The following AVEN variants were observed in gnomAD, a reference collection of about 807,000 sequenced individuals.
AVEN encodes cell death regulator Aven.
A neutral mutation model predicts 38.1 loss-of-function variants in AVEN; 41 were observed. The ratio of observed to expected loss-of-function variants is 1.08; its 90% CI spans 0.84 to 1.40. The LOEUF is 1.40. Ranked by LOEUF, AVEN falls within the 40% of genes most tolerant of loss-of-function variation. The pLI is 0.00. For synonymous variants in AVEN, 206 were observed against 171.8 expected (o/e 1.20, Z -1.56); for missense variants, 605 against 438.8 (o/e 1.38, Z -3.38).
intron 2 of AVEN, among the ~76,000 whole-genome samples, chr15:33,964,059 T>C (rs493857): frequency 0.8 from 121,744 of 151,300 alleles, 54,037 homozygotes; most frequent in Non-Finnish European, 0.97. Context: ...GTTCAAATGT[T>C]AGTGTCCCCA....
At chr15:34,032,162 T>C (rs1367375817) in intron 1 of AVEN, among the ~76,000 whole-genome samples, 2 of 152,170 alleles carry the variant, frequency 1.3e-5, no homozygotes, top group African/African-American at 4.8e-5. Flanking sequence ...TTGCTCCCTT[T>C]GATACTTCAA....
chr15:33,894,356 G>A (rs1220327941), intron 2 of AVEN, among the ~76,000 whole-genome samples: 1 of 151,984 alleles, frequency 6.6e-6, no homozygotes, highest in Non-Finnish European at 1.5e-5. Flanking sequence ...GGATACTGCA[G>A]CTACATAACA....
At chr15:34,025,394 G>A (rs1267918501) in intron 1 of AVEN, among the ~76,000 whole-genome samples, 2 of 152,162 alleles carry the variant, frequency 1.3e-5, no homozygotes, top group Non-Finnish European at 2.9e-5. Flanking sequence ...GCAGGAAGCA[G>A]GCAGCTGAGA....
chr15:34,060,851 C>A (rs987700819), intron 5 of AVEN, among the ~76,000 whole-genome samples: 9 of 151,856 alleles, frequency 5.9e-5, no homozygotes, highest in African/African-American at 1.9e-4. Flanking sequence ...GCCTGGGTGA[C>A]AAGGGCAAGA....
At chr15:33,895,683 C>G (rs891067655) in intron 2 of AVEN, among the ~76,000 whole-genome samples, 2 of 152,038 alleles carry the variant, frequency 1.3e-5, no homozygotes, top group African/African-American at 4.8e-5. Flanking sequence ...GTTTACCTAC[C>G]TCCAATATAG....
At chr15:33,980,517 C>T (rs1896089984) in intron 2 of AVEN, among the ~76,000 whole-genome samples, 1 of 152,136 alleles carries the variant, frequency 6.6e-6, no homozygotes, top group Non-Finnish European at 1.5e-5. Flanking sequence ...ATGACATGAG[C>T]ACAAACTACG....
At chr15:33,864,332 TAAG>T, downstream of AVEN, 1 of 644,384 alleles carries the variant, frequency 1.6e-6, no homozygotes, top group Admixed American at 2.8e-5. Flanking sequence ...TGTGACTCAA[TAAG>T]AAGCCAAAGT....
intron 2 of AVEN, chr15:33,883,885 C>T (rs143192788): frequency 6.6e-6 from 1 of 152,172 alleles, no homozygotes; most frequent in Non-Finnish European, 1.5e-5. Context: ...GAACTGCAGA[C>T]ATCATTCATT....
chr15:33,991,486 G>A (rs930804402), intron 2 of AVEN: 1 of 147,310 alleles, frequency 6.8e-6, no homozygotes, highest in African/African-American at 2.6e-5. Context: ...TATCTACTAC[G>A]GACCCACAAA....
intron 5 of AVEN, 55 bp downstream of exon 5, chr15:33,867,440 G>A (rs1323481139): frequency 4.6e-6 from 7 of 1,532,818 alleles, no homozygotes; most frequent in East Asian, 2.3e-5. Context: ...GGGCGGGGCT[G>A]TTCTTGAAAA....
intron 2 of AVEN, among the ~76,000 whole-genome samples, chr15:33,945,537 G>A (rs1004617586): frequency 3.9e-5 from 6 of 152,058 alleles, no homozygotes; most frequent in Non-Finnish European, 7.4e-5. Flanking sequence ...CATGGCACAG[G>A]AGCTCTTCAT....
chr15:34,060,486 A>C (rs925738111), intron 5 of AVEN, among the ~76,000 whole-genome samples: 1 of 152,252 alleles, frequency 6.6e-6, no homozygotes, highest in Non-Finnish European at 1.5e-5. Flanking sequence ...CCTTTCTGTC[A>C]GTTACTGTTA....
At chr15:33,981,827 T>C (rs1182554408) in intron 2 of AVEN, among the ~76,000 whole-genome samples, 1 of 152,138 alleles carries the variant, frequency 6.6e-6, no homozygotes, top group East Asian at 1.9e-4. Flanking sequence ...AGGTACTCTA[T>C]AAACAAGTTT....
chr15:33,853,713 G>A, the AVEN span: 1 of 1,606,102 alleles, frequency 6.2e-7, no homozygotes, highest in East Asian at 2.2e-5. Flanking sequence ...CAAATCCAAA[G>A]CAGCTAAAAT....
intron 1 of AVEN, among the ~76,000 whole-genome samples, chr15:34,034,511 AAT>A (rs1033490949): frequency 1.3e-5 from 2 of 152,092 alleles, no homozygotes; most frequent in African/African-American, 4.8e-5. Context: ...TTAAAAAGTC[AAT>A]ATATACAATA....
At chr15:33,972,156 G>A (rs180826127) in intron 2 of AVEN, 10 of 152,148 alleles carry the variant, frequency 6.6e-5, no homozygotes, top group Admixed American at 5.9e-4. Flanking sequence ...TAATTCAAAA[G>A]CGGGAGTAAA....
chr15:33,920,935 C>A (rs1173014458), intron 2 of AVEN, among the ~76,000 whole-genome samples: 1 of 152,020 alleles, frequency 6.6e-6, no homozygotes, highest in Non-Finnish European at 1.5e-5. Flanking sequence ...ACCACCACAC[C>A]CAGCTAATTT....
downstream of AVEN, chr15:33,865,495 TTC>T (rs1297229988): frequency 1.5e-5 from 6 of 399,910 alleles, no homozygotes; most frequent in South Asian, 1.5e-4. Flanking sequence ...AGTTTTCCAG[TTC>T]TGAGGTAACT....
chr15:33,927,113 G>C (rs528567124), intron 2 of AVEN, among the ~76,000 whole-genome samples: 1 of 152,002 alleles, frequency 6.6e-6, no homozygotes, highest in Admixed American at 6.6e-5. Flanking sequence ...AAATTAGCCG[G>C]GTGTGGTGGC....
Sources: gnomAD v4.1 joint callset for allele counts (sites outside exome capture counted in the v4.1 genomes callset) on GRCh38, gnomAD v4.1.1 for gene constraint, MANE v1.5 for transcripts, NCBI Gene and HGNC (gene_info 2026-07-23, HGNC 2026-07-21) for gene names.